PRH1: variants seen among roughly 807,000 people sequenced by gnomAD.
The protein encoded by PRH1 is salivary acidic proline-rich phosphoprotein 1/2.
PRH1 carries 7 observed loss-of-function variants against 7.9 expected under a neutral mutation model. That is an observed-to-expected ratio of 0.89 (90% CI 0.50 to 1.67). The LOEUF (loss-of-function observed/expected upper bound fraction) is 1.67, where lower values mean the gene tolerates loss of function less well. Ranked by LOEUF, PRH1 falls within the 40% of genes most tolerant of loss-of-function variation. The pLI, the probability that PRH1 is intolerant of heterozygous loss-of-function variation, is 0.00. For synonymous variants in PRH1, 45 were observed against 80.8 expected, an observed-to-expected ratio of 0.56 and a Z score of 2.38; for missense variants, 109 against 223.6, an observed-to-expected ratio of 0.49 and a Z score of 3.27.
At chr12:11,015,781 C>T (rs1180729048) in intron 1 of PRH1, among the ~76,000 whole-genome samples, 2 of 151,972 alleles carry the variant, frequency 1.3e-5, no homozygotes, top group Admixed American at 1.3e-4. Flanking sequence ...AACAGAGTGC[C>T]CCATTTTTTC....
intron 1 of PRH1, chr12:11,091,843 A>T: frequency 1.4e-6 from 2 of 1,474,562 alleles, no homozygotes; most frequent in Non-Finnish European, 1.9e-6. Context: ...ACATCACCAG[A>T]ATGACACTCT....
chr12:11,054,922 C>T (rs28510777), intron 1 of PRH1, among the ~76,000 whole-genome samples: 5 of 146,814 alleles, frequency 3.4e-5, no homozygotes, highest in South Asian at 2.2e-4. Context: ...CTGCAAGCTC[C>T]GCCTCACTGC....
intron 2 of PRH1, among the ~76,000 whole-genome samples, chr12:10,899,131 G>A (rs931841261): frequency 2.0e-5 from 3 of 152,184 alleles, no homozygotes; most frequent in African/African-American, 7.2e-5. Context: ...CTGTATCTTG[G>A]AAGGAAATAA....
intron 1 of PRH1, among the ~76,000 whole-genome samples, chr12:11,074,631 C>A (rs71453419): frequency 0.053 from 3,952 of 74,920 alleles, 859 homozygotes; most frequent in Middle Eastern, 0.088. Flanking sequence ...GGGAAAGGGG[C>A]GAGGAAAAGA....
upstream of PRH1, among the ~76,000 whole-genome samples, chr12:11,050,000 A>G (rs1205445630): frequency 6.6e-6 from 1 of 152,132 alleles, no homozygotes; most frequent in Non-Finnish European, 1.5e-5. Flanking sequence ...GAGGTCATCT[A>G]GGTGGAATTA....
intron 2 of PRH1, among the ~76,000 whole-genome samples, chr12:10,920,836 C>A (rs1270339581): frequency 6.6e-6 from 1 of 152,040 alleles, no homozygotes; most frequent in Non-Finnish European, 1.5e-5. Flanking sequence ...CTATGTTACA[C>A]TAATAACTAT....
At chr12:10,901,720 C>T (rs1304723386) in intron 2 of PRH1, among the ~76,000 whole-genome samples, 5 of 152,088 alleles carry the variant, frequency 3.3e-5, no homozygotes. Context: ...ATAAAACCTG[C>T]AACCTGTAAG....
chr12:10,973,519 C>T (rs1002055356), intron 2 of PRH1: 2 of 558,122 alleles, frequency 3.6e-6, no homozygotes, highest in Admixed American at 6.3e-5. Context: ...TAACAATACC[C>T]TCCTTGAGTA....
At chr12:10,953,174 C>T (rs780592216) in intron 2 of PRH1, among the ~76,000 whole-genome samples, 5 of 151,782 alleles carry the variant, frequency 3.3e-5, no homozygotes, top group Non-Finnish European at 5.9e-5. Context: ...TATCAGCCCA[C>T]AGAGATGAGA....
chr12:11,060,745 T>C (rs986729425), intron 1 of PRH1, among the ~76,000 whole-genome samples: 3 of 152,156 alleles, frequency 2.0e-5, no homozygotes, highest in African/African-American at 7.2e-5. Context: ...CATATGCTTG[T>C]CACTCAAATT....
chr12:11,070,537 A>G (rs1247612128), intron 1 of PRH1, among the ~76,000 whole-genome samples: 1 of 152,170 alleles, frequency 6.6e-6, no homozygotes, highest in African/African-American at 2.4e-5. Flanking sequence ...CTTCCAAGAG[A>G]CTTCCAATAA....
rs1950370878 is a variant in PRH1 at position 10,939,977 on chromosome 12, A to G, written c.-59+33678T>C. On this transcript the variant is annotated intron_variant, in intron 2 of 3. Coordinates refer to the PRH1 transcript ENST00000539853. ...CATAACAACACCTGATACCTCATAA[A>G]TGTATGCAAGTAAAATATGTCAATT... Among the ~76,000 whole-genome samples the G allele has an allele frequency of 2.0e-5, 3 of 152,186 alleles. No individual in the cohort carries two copies. In the South Asian group the frequency reaches 6.2e-4, roughly 31 times the overall value.
At chr12:10,912,572 C>T (rs1949915752) in intron 2 of PRH1, among the ~76,000 whole-genome samples, 2 of 151,870 alleles carry the variant, frequency 1.3e-5, no homozygotes. Context: ...TTAATTTCAT[C>T]TCTTATATTG....
chr12:11,117,012 T>G (rs770772657), downstream of PRH1, among the ~76,000 whole-genome samples: 1 of 152,022 alleles, frequency 6.6e-6, no homozygotes, highest in Admixed American at 6.5e-5. Flanking sequence ...ATCTGGAACA[T>G]GACAAGAATG....
intron 1 of PRH1, among the ~76,000 whole-genome samples, chr12:11,140,165 G>A (rs1946663684): frequency 6.6e-6 from 1 of 151,574 alleles, no homozygotes; most frequent in Non-Finnish European, 1.5e-5. Flanking sequence ...TAATTATACT[G>A]GAGATATTTC....
chr12:11,122,145 T>C (rs1360755536), intron 1 of PRH1, among the ~76,000 whole-genome samples: 1 of 151,916 alleles, frequency 6.6e-6, no homozygotes, highest in African/African-American at 2.4e-5. Context: ...AGGAAATTAG[T>C]AGACTTTACA....
At chr12:10,932,524 A>G (rs777080937) in intron 2 of PRH1, among the ~76,000 whole-genome samples, 6 of 152,074 alleles carry the variant, frequency 3.9e-5, no homozygotes, top group Non-Finnish European at 8.8e-5. Flanking sequence ...TTTAAATTGC[A>G]CAATTATTTT....
At chr12:11,146,025 C>T (rs1244848718) in intron 1 of PRH1, among the ~76,000 whole-genome samples, 2 of 152,028 alleles carry the variant, frequency 1.3e-5, no homozygotes, top group Non-Finnish European at 2.9e-5. Flanking sequence ...AGTATGTGTA[C>T]ATAGATACAT....
chr12:10,899,831 T>G (rs2135807267), intron 2 of PRH1, among the ~76,000 whole-genome samples: 1 of 152,236 alleles, frequency 6.6e-6, no homozygotes, highest in African/African-American at 2.4e-5. Context: ...TGAATTAAAT[T>G]AGATAAAATG....
Sources: allele counts gnomAD v4.1 joint callset (sites outside exome capture counted in the v4.1 genomes callset), GRCh38; gene constraint gnomAD v4.1.1; transcripts MANE v1.5; gene names NCBI Gene and HGNC (gene_info 2026-07-23, HGNC 2026-07-21).